Variants in SMG7 observed in about 807,000 individuals in gnomAD.
The protein encoded by SMG7 is SMG7 nonsense mediated mRNA decay factor, also known as nonsense-mediated mRNA decay factor SMG7.
Under a neutral mutation model 148.2 loss-of-function variants are expected in SMG7, and 34 were observed. That is an observed-to-expected ratio of 0.23 (90% CI 0.17 to 0.31). The LOEUF (loss-of-function observed/expected upper bound fraction) is 0.31. Among genes scored for constraint, SMG7 ranks in the 10% least tolerant of loss-of-function variants. The pLI, the probability that SMG7 is intolerant of heterozygous loss-of-function variation, is 1.00. For missense variants in SMG7, 1,114 were observed against 1,408.4 expected (o/e 0.79, Z 3.35); for synonymous variants, 492 against 515.1 (o/e 0.96, Z 0.61).
At chr1:183,482,569 A>T (rs765680421) in intron 1 of SMG7, among the ~76,000 whole-genome samples, 3 of 152,168 alleles carry the variant, frequency 2.0e-5, no homozygotes, top group Non-Finnish European at 4.4e-5. Context: ...AACTAAAAGT[A>T]GGTGGTCAGA....
chr1:183,513,134 G>T, intron 2 of SMG7: 2 of 359,508 alleles, frequency 5.6e-6, no homozygotes, highest in South Asian at 1.0e-4. Flanking sequence ...TAATTTTTAT[G>T]AAACTTTTTA....
At chr1:183,484,422 A>T in intron 1 of SMG7, among the ~76,000 whole-genome samples, 1 of 149,184 alleles carries the variant, frequency 6.7e-6, no homozygotes. Flanking sequence ...TCACCGATAG[A>T]GGGCCAGCTC....
chr1:183,506,575 CTGT>C (rs1287291869), intron 1 of SMG7, among the ~76,000 whole-genome samples: 1 of 151,378 alleles, frequency 6.6e-6, no homozygotes, highest in African/African-American at 2.4e-5. Context: ...TTGAGAAATG[CTGT>C]TATTATCCCA....
At position 183,508,102 on chromosome 1, in the gene SMG7, G is replaced by T. The variant is rs2102384021; in HGVS notation, c.30-4735G>T. 4.3e-6 allele frequency: 4 copies of T among 937,942 alleles called. 1 individual carries two copies. The South Asian group carries it at 1.5e-4, about 35-fold the overall frequency. The allele number at this position is 937,942 out of a possible 1,614,324, so 58.1% of individuals were successfully genotyped here. A position where few individuals can be genotyped will look rare whatever the true frequency, so the allele number is the denominator to read the frequency against. On this transcript the variant is annotated intron_variant, in intron 1 of 22. Transcript: ENST00000688051. ...CAAGAGAAAACATTTTAAAGTTCTT[G>T]CCTCTCTGTATGAGCATTGGCTGTA...
intron 1 of SMG7, among the ~76,000 whole-genome samples, chr1:183,479,288 A>G (rs529012488): frequency 3.0e-4 from 46 of 152,240 alleles, no homozygotes; most frequent in African/African-American, 9.9e-4. Context: ...GACTTGGTCC[A>G]GATAGTTCTT....
chr1:183,513,986 A>G (rs1404680306), intron 2 of SMG7, among the ~76,000 whole-genome samples: 2 of 150,266 alleles, frequency 1.3e-5, no homozygotes, highest in African/African-American at 4.9e-5. Flanking sequence ...GCAGAGATCA[A>G]ACCCCTGCAC....
intron 1 of SMG7, among the ~76,000 whole-genome samples, chr1:183,511,753 G>T (rs1022886702): frequency 1.8e-4 from 27 of 152,222 alleles, no homozygotes; most frequent in Admixed American, 1.7e-3. Context: ...GGGCAAGAAT[G>T]AAGTGGAGGA....
At chr1:183,515,355 C>T (rs1054269971) in intron 2 of SMG7, among the ~76,000 whole-genome samples, 24 of 152,208 alleles carry the variant, frequency 1.6e-4, no homozygotes, top group African/African-American at 5.5e-4. Context: ...CTGCAGAATA[C>T]CAAAGCAACT....
chr1:183,552,402 T>C lies in SMG7; in HGVS notation c.*471T>C, dbSNP rs775280600. ...TATTCTTAAACATCTTTTATTATTA[T>C]TACTCTCAGTAGTAAAATATCACAC... On this transcript the variant is annotated 3_prime_UTR_variant, in exon 23 of 23. Transcript: ENST00000688051. 29 of 989,650 alleles carry C rather than the reference T, an allele frequency of 2.9e-5. No individual in the cohort carries two copies. The highest frequency in any genetic ancestry group is 1.8e-4 in the Admixed American group (3 of 16,708). 61.3% of individuals were successfully genotyped at this position (989,650 alleles called of 1,614,324 possible). A position where few individuals can be genotyped will look rare whatever the true frequency, so the allele number is the denominator to read the frequency against.
intron 1 of SMG7, among the ~76,000 whole-genome samples, chr1:183,492,324 T>C (rs1359159931): frequency 1.3e-5 from 2 of 152,224 alleles, no homozygotes; most frequent in African/African-American, 2.4e-5. Flanking sequence ...GTCAAAAATA[T>C]ATTGGCTATA....
chr1:183,506,239 G>T (rs753524875), intron 1 of SMG7, among the ~76,000 whole-genome samples: 1 of 152,112 alleles, frequency 6.6e-6, no homozygotes, highest in African/African-American at 2.4e-5. Context: ...ATTATGGAGC[G>T]AATGTTGTGG....
At chr1:183,518,790 A>T (rs1014302611) in intron 4 of SMG7, 1 of 152,204 alleles carries the variant, frequency 6.6e-6, no homozygotes, top group Non-Finnish European at 1.5e-5. Context: ...AATTAACAAA[A>T]TTTTTGTATA....
chr1:183,472,706 G>A, intron 1 of SMG7, 57 bp downstream of exon 1: 1 of 1,401,520 alleles, frequency 7.1e-7, no homozygotes. Context: ...TTGGGGCATG[G>A]AGCAACAGAC....
intron 1 of SMG7, among the ~76,000 whole-genome samples, chr1:183,503,185 T>A (rs898910017): frequency 2.6e-5 from 4 of 152,212 alleles, no homozygotes; most frequent in African/African-American, 9.6e-5. Flanking sequence ...ACTTACCTGA[T>A]AGAATTGTTG....
intron 1 of SMG7, among the ~76,000 whole-genome samples, chr1:183,486,859 A>C (rs927746742): frequency 2.6e-5 from 4 of 152,056 alleles, no homozygotes; most frequent in African/African-American, 9.7e-5. Flanking sequence ...CACCACACCC[A>C]GCTAATTTTG....
rs550121024 is a variant in SMG7, at chr1:183,524,066, G to A, written c.313-2530G>A. 3.9e-4 allele frequency among the ~76,000 whole-genome samples: 59 copies of A among 150,732 alleles called. 1 individual carries two copies. Among genetic ancestry groups the A allele is most frequent in the Middle Eastern group, 3.4e-3 (1 of 294 alleles). On this transcript the variant is annotated intron_variant, in intron 4 of 22. Coordinates refer to ENST00000688051, the MANE Select transcript of SMG7 (RefSeq NM_001375584.1). ...TAACTTATTTACCCTGTTTTTTTAT[G>A]TATTCATTTTATTTTATTTTATTTA...
intron 2 of SMG7, among the ~76,000 whole-genome samples, chr1:183,515,541 G>C (rs1663284027): frequency 1.3e-5 from 2 of 151,490 alleles, no homozygotes; most frequent in South Asian, 4.2e-4. Flanking sequence ...CTTACTGTAA[G>C]GCATATAGTT....
intron 14 of SMG7, among the ~76,000 whole-genome samples, chr1:183,542,969 GTA>G (rs1353223028): frequency 7.1e-6 from 1 of 140,570 alleles, no homozygotes; most frequent in Non-Finnish European, 1.5e-5. Context: ...GTGTGTGTGT[GTA>G]TTTTTTTTCT....
intron 1 of SMG7, among the ~76,000 whole-genome samples, chr1:183,477,427 CAT>C (rs2102019469): frequency 6.7e-6 from 1 of 148,692 alleles, no homozygotes; most frequent in Non-Finnish European, 1.5e-5. Flanking sequence ...TGTATGTGTG[CAT>C]ATGTGTATAT....
Sources: gnomAD v4.1 joint callset for allele counts (sites outside exome capture counted in the v4.1 genomes callset) on GRCh38, gnomAD v4.1.1 for gene constraint, MANE v1.5 for transcripts, NCBI Gene and HGNC (gene_info 2026-07-23, HGNC 2026-07-21) for gene names.